HEXB: variants seen among roughly 807,000 people sequenced by gnomAD.
HEXB encodes beta-hexosaminidase subunit beta.
HEXB carries 51 observed loss-of-function variants against 71.2 expected under a neutral mutation model. That is an observed-to-expected ratio of 0.72 (90% CI 0.57 to 0.90). The LOEUF (loss-of-function observed/expected upper bound fraction) is 0.90, where lower values mean the gene tolerates loss of function less well. Ranked by LOEUF, HEXB falls within the 40% of genes least tolerant of loss-of-function variation. The pLI is 0.00. For missense variants in HEXB, 617 were observed against 677.0 expected, an observed-to-expected ratio of 0.91 and a Z score of 0.98; for synonymous variants, 266 against 249.3, an observed-to-expected ratio of 1.07 and a Z score of -0.63.
At chr5:74,690,953 T>C (rs1235610786) in intron 2 of HEXB, among the ~76,000 whole-genome samples, 1 of 152,178 alleles carries the variant, frequency 6.6e-6, no homozygotes, top group Non-Finnish European at 1.5e-5. Context: ...GCAACCTGAA[T>C]TGAGATGGAA....
At chr5:74,708,064 G>A (rs1337358444) in intron 6 of HEXB, among the ~76,000 whole-genome samples, 1 of 150,546 alleles carries the variant, frequency 6.6e-6, no homozygotes, top group African/African-American at 2.4e-5. Context: ...CCCACAAAGG[G>A]AAGCCCATCA....
chr5:74,715,536 T>G lies in HEXB; in HGVS notation c.928T>G (p.Tyr310Asp). The change falls in exon 8 of 14, where the codon TAC becomes GAC. Residue 310 changes from tyrosine to aspartate, a missense_variant. Tyr to Asp is a radical substitution (Grantham distance 160). Coordinates refer to ENST00000261416, the MANE Select transcript of HEXB (RefSeq NM_000521.4). ...KGQKDLLTPC[Y>D]SRQNKLDSFG... The stretch of plus-strand genomic sequence containing the variant: ...TCAGAAAGACCTCCTGACTCCATGT[T>G]ACAGTAGACAAAACAAGTTGGACTC... 1.2e-6 allele frequency: 2 copies of G among 1,612,236 alleles called. No individual in the cohort carries two copies. The highest frequency in any genetic ancestry group is 1.7e-6 in the Non-Finnish European group (2 of 1,178,328).
intron 1 of HEXB, among the ~76,000 whole-genome samples, chr5:74,672,906 A>G (rs74458037): frequency 0.044 from 6,738 of 152,288 alleles, 480 homozygotes; most frequent in African/African-American, 0.15. Context: ...CTTTGCCCCC[A>G]GTCTGGAGAC....
chr5:74,693,704 G>C lies in HEXB; in HGVS notation c.511G>C (p.Gly171Arg). ...KANRVWGALR[G>R]LETFSQLVYQ... is the part of the protein sequence containing the mutation. ...CAACAGAGTTTGGGGAGCATTACGA[G>C]GTAAGTTCCATGCAGTTTCATTGTT... The change falls in exon 3 of 14, where the codon GGT (glycine) becomes CGT (arginine). Residue 171 changes from glycine (G) to arginine (R), a missense_variant and splice_region_variant. Coordinates refer to ENST00000261416, the MANE Select transcript of HEXB (RefSeq NM_000521.4). The C allele has an allele frequency of 6.2e-7, 1 of 1,609,636 alleles. No homozygotes were observed. Among genetic ancestry groups the C allele is most frequent in the South Asian group, 1.1e-5 (1 of 90,954 alleles).
chr5:74,694,431 T>C (rs1429556669), intron 3 of HEXB, among the ~76,000 whole-genome samples: 1 of 152,158 alleles, frequency 6.6e-6, no homozygotes, highest in African/African-American at 2.4e-5. Context: ...TAAGGAACAG[T>C]GTCAAAAGGC....
At chr5:74,666,362 C>T (rs1038168648) in intron 1 of HEXB, among the ~76,000 whole-genome samples, 2 of 152,172 alleles carry the variant, frequency 1.3e-5, no homozygotes, top group African/African-American at 4.8e-5. Flanking sequence ...AATGTGTATG[C>T]ACGTAATTGG....
At chr5:74,698,546 C>G (rs1378178903) in intron 5 of HEXB, among the ~76,000 whole-genome samples, 1 of 151,944 alleles carries the variant, frequency 6.6e-6, no homozygotes, top group African/African-American at 2.4e-5. Context: ...TGCACACCAC[C>G]ACACCCAGCT....
At chr5:74,709,667 G>A (rs1390027005) in intron 6 of HEXB, among the ~76,000 whole-genome samples, 1 of 152,194 alleles carries the variant, frequency 6.6e-6, no homozygotes, top group Non-Finnish European at 1.5e-5. Context: ...ACACCTCTAT[G>A]CAAATAAACT....
intron 1 of HEXB, among the ~76,000 whole-genome samples, chr5:74,679,210 A>G (rs1186371259): frequency 1.3e-5 from 2 of 152,226 alleles, no homozygotes; most frequent in African/African-American, 4.8e-5. Flanking sequence ...CTGGCAGTGG[A>G]CAGAAACTGG....
intron 1 of HEXB, among the ~76,000 whole-genome samples, chr5:74,668,708 A>G (rs1748480510): frequency 6.6e-6 from 1 of 152,234 alleles, no homozygotes; most frequent in Admixed American, 6.5e-5. Context: ...AGATACAAAG[A>G]AACACAAGTC....
chr5:74,716,369 TAAAG>T (rs1749673183), intron 8 of HEXB, among the ~76,000 whole-genome samples: 2 of 152,200 alleles, frequency 1.3e-5, no homozygotes, highest in South Asian at 2.1e-4. Flanking sequence ...GGTGGTAAGG[TAAAG>T]AAAGCCATTT....
chr5:74,703,055 C>T (rs820835), intron 5 of HEXB, among the ~76,000 whole-genome samples: 131,165 of 152,202 alleles, frequency 0.86, 56,820 homozygotes, highest in Non-Finnish European at 0.9. Context: ...CAGGTTCAAG[C>T]GATTCTCCTG....
upstream of HEXB, among the ~76,000 whole-genome samples, chr5:74,681,444 G>C (rs540883004): frequency 6.6e-6 from 1 of 152,226 alleles, no homozygotes; most frequent in African/African-American, 2.4e-5. Context: ...TATAACCCAA[G>C]CTGGGTGTAT....
rs180796810 is a variant in HEXB, at chr5:74,644,289, A to C, written c.-377+3731A>C. Among the ~76,000 whole-genome samples, 141 of 152,342 alleles carry C rather than the reference A, an allele frequency of 9.3e-4. 2 individuals carry two copies. Among genetic ancestry groups the C allele is most frequent in the African/African-American group, 3.2e-3 (131 of 41,584 alleles). ...GGCAAGAAGGCTTTTATAGGGCTACATCACCCAGTTGCTGAATGCAGCTTG... is the reference window on the plus strand; with the variant it reads ...GGCAAGAAGGCTTTTATAGGGCTACCTCACCCAGTTGCTGAATGCAGCTTG... On this transcript the variant is annotated intron_variant, in intron 1 of 13. Transcript: ENST00000511181.
intron 1 of HEXB, among the ~76,000 whole-genome samples, chr5:74,650,917 C>T (rs1193053725): frequency 2.3e-5 from 2 of 87,480 alleles, no homozygotes; most frequent in Admixed American, 3.0e-4. Context: ...CAGCGTGAGA[C>T]TCTGTCTCAA....
chr5:74,657,095 A>G (rs1314386067), intron 1 of HEXB, among the ~76,000 whole-genome samples: 2 of 152,150 alleles, frequency 1.3e-5, no homozygotes, highest in African/African-American at 4.8e-5. Flanking sequence ...CAACACAGCG[A>G]CAAGAACAGG....
chr5:74,707,064 C>G (rs569573195), intron 6 of HEXB, among the ~76,000 whole-genome samples: 61 of 152,392 alleles, frequency 4.0e-4, no homozygotes, highest in Admixed American at 9.8e-4. Flanking sequence ...ACTGACACCT[C>G]ACACAGCCGG....
chr5:74,721,065 G>T (rs1749837618), intron 13 of HEXB, 53 bp from the exon 14 acceptor site: 1 of 1,328,624 alleles, frequency 7.5e-7, no homozygotes, highest in South Asian at 1.2e-5. Flanking sequence ...ATATCTTTAT[G>T]AATGATATCA....
intron 13 of HEXB, 48 bp from the exon 14 acceptor site, chr5:74,721,070 A>G (rs1290354831): frequency 2.9e-6 from 4 of 1,357,004 alleles, no homozygotes; most frequent in Non-Finnish European, 3.1e-6. Context: ...TTTATGAATG[A>G]TATCAATCTA....
Sources: allele counts gnomAD v4.1 joint callset (sites outside exome capture counted in the v4.1 genomes callset), GRCh38; gene constraint gnomAD v4.1.1; transcripts MANE v1.5; gene names NCBI Gene and HGNC (gene_info 2026-07-23, HGNC 2026-07-21).